COL14A1: variants seen among roughly 807,000 people sequenced by gnomAD.
COL14A1 encodes collagen type XIV alpha 1 chain, also known as collagen alpha-1(XIV) chain.
COL14A1 carries 136 observed loss-of-function variants against 230.3 expected under a neutral mutation model. The ratio of observed to expected loss-of-function variants is 0.59; its 90% CI spans 0.51 to 0.68. The LOEUF (loss-of-function observed/expected upper bound fraction) is 0.68. Among genes scored for constraint, COL14A1 ranks in the 30% least tolerant of loss-of-function variants. The pLI is 0.00. For missense variants in COL14A1, 1,976 were observed against 2,215.8 expected, an observed-to-expected ratio of 0.89 and a Z score of 2.17; for synonymous variants, 792 against 784.1, an observed-to-expected ratio of 1.01 and a Z score of -0.17.
Position 120,285,870 on chromosome 8 carries a change from A to G in COL14A1, c.3977A>G (p.Lys1326Arg). 6.3e-7 allele frequency: 1 copy of G among 1,586,174 alleles called. No homozygotes were observed. Among genetic ancestry groups the G allele is most frequent in the Non-Finnish European group, 8.6e-7 (1 of 1,165,044 alleles). ...ATTTTTCTTTCAATAGATGGTGGGA[A>G]AACTCTAACATATTTCAACTATGAC... ...LVGVILDNGG[K>R]TLTYFNYDQS... The change falls in exon 33 of 48, where the codon AAA becomes AGA. Residue 1326 changes from lysine to arginine, a missense_variant. Lys to Arg is a conservative substitution (Grantham distance 26, BLOSUM62 2). This residue lies in a region of COL14A1 where 1,791 missense variants were observed against 2,019.5 expected (regional missense o/e 0.89). Transcript: ENST00000297848.
In COL14A1 at chr8:120,330,677, A is replaced by G. The variant is rs185366324; in HGVS notation, c.4660-1464A>G. On this transcript the variant is annotated intron_variant, in intron 40 of 47. Transcript: ENST00000297848. Reference sequence around the variant, plus strand: ...TTGGGTGGGGACACAGCCAAACCATATCACCCTGCCTTTGTGCCACCTCTC... The same window carrying G: ...TTGGGTGGGGACACAGCCAAACCATGTCACCCTGCCTTTGTGCCACCTCTC... Among the ~76,000 whole-genome samples the G allele has an allele frequency of 2.0e-4, 30 of 152,234 alleles. 1 individual carries two copies. In the South Asian group the frequency reaches 4.8e-3, roughly 24 times the overall value.
At chr8:120,267,070 A>G in intron 25 of COL14A1, 187 bp downstream of exon 25, 3 of 559,724 alleles carry the variant, frequency 5.4e-6, no homozygotes, top group Non-Finnish European at 9.5e-6. Flanking sequence ...AATTCTGCAC[A>G]CAAAGAGTGG....
intron 5 of COL14A1, among the ~76,000 whole-genome samples, chr8:120,180,053 G>A (rs888266550): frequency 1.3e-5 from 2 of 151,854 alleles, no homozygotes; most frequent in South Asian, 2.1e-4. Flanking sequence ...ACTCAAGATG[G>A]GTTAAAGACT....
chr8:120,284,926 T>A (rs1460085723), intron 32 of COL14A1, among the ~76,000 whole-genome samples: 1 of 152,182 alleles, frequency 6.6e-6, no homozygotes, highest in Non-Finnish European at 1.5e-5. Context: ...TATTTGCTAT[T>A]GAACAAAGGC....
intron 22 of COL14A1, among the ~76,000 whole-genome samples, chr8:120,252,821 G>C (rs1208064095): frequency 6.6e-6 from 1 of 152,142 alleles, no homozygotes; most frequent in Non-Finnish European, 1.5e-5. Flanking sequence ...TCAAGCAAGA[G>C]TGGGCCATAT....
chr8:120,280,780 A>C, intron 30 of COL14A1, 31 bp downstream of exon 30: 1 of 1,609,198 alleles, frequency 6.2e-7, no homozygotes, highest in Non-Finnish European at 8.5e-7. Context: ...TTCAAACACA[A>C]AATATATTAC....
intron 45 of COL14A1, among the ~76,000 whole-genome samples, chr8:120,346,703 A>G (rs954232537): frequency 7.9e-5 from 12 of 152,238 alleles, no homozygotes; most frequent in African/African-American, 2.6e-4. Context: ...TATGCATGAA[A>G]TTGTTATTGA....
intron 2 of COL14A1, among the ~76,000 whole-genome samples, chr8:120,152,112 G>GT: frequency 6.6e-6 from 1 of 152,176 alleles, no homozygotes; most frequent in Admixed American, 6.5e-5. Context: ...CATGTCTGTT[G>GT]TTTTAAGCCA....
Position 120,250,791 on chromosome 8 carries a change from A to G in COL14A1, c.2752+25A>G, listed in dbSNP as rs757986988. On this transcript the variant is annotated intron_variant, in intron 22 of 47. Coordinates refer to ENST00000297848, the MANE Select transcript of COL14A1 (RefSeq NM_021110.4). ...TGTAAGAGCCATTTCCGATGGCCTC[A>G]GCCGCATATGGGTTTTTGTTTTGTT... is the stretch of plus-strand genomic sequence containing the variant. 26 of 1,612,614 alleles carry G rather than the reference A, an allele frequency of 1.6e-5. 1 individual carries two copies. The South Asian group carries it at 2.2e-4, about 14-fold the overall frequency.
intron 26 of COL14A1, among the ~76,000 whole-genome samples, chr8:120,274,644 A>G (rs939977696): frequency 8.6e-5 from 13 of 151,898 alleles, no homozygotes; most frequent in African/African-American, 3.1e-4. Context: ...GTTACAAATC[A>G]ATGTATACAA....
rs570232958 is a variant in COL14A1, at chr8:120,299,501, C to T, written c.4315-1231C>T. 3.0e-4 allele frequency among the ~76,000 whole-genome samples: 46 copies of T among 152,132 alleles called. No homozygotes were observed. In the South Asian group the frequency reaches 4.6e-3, roughly 15 times the overall value. Reference sequence around the variant, plus strand: ...CACTTTTTCTAGGAAGGATCTTTCTCGTTCCTTTTCTTTTTACTTGTCTCA... The same window carrying T: ...CACTTTTTCTAGGAAGGATCTTTCTTGTTCCTTTTCTTTTTACTTGTCTCA... On this transcript the variant is annotated intron_variant, in intron 35 of 47. Transcript: ENST00000297848.
intron 31 of COL14A1, among the ~76,000 whole-genome samples, chr8:120,282,301 G>T (rs1820062288): frequency 6.6e-6 from 1 of 152,162 alleles, no homozygotes; most frequent in African/African-American, 2.4e-5. Context: ...TGTCCACATT[G>T]AAGGCAGATC....
chr8:120,218,031 A>C (rs1281443969), intron 14 of COL14A1, among the ~76,000 whole-genome samples: 2 of 142,526 alleles, frequency 1.4e-5, no homozygotes, highest in African/African-American at 5.1e-5. Flanking sequence ...TATAAATATA[A>C]ATAAATATAT....
intron 6 of COL14A1, 129 bp from the exon 7 acceptor site, chr8:120,197,682 T>C: frequency 1.1e-6 from 1 of 878,210 alleles, no homozygotes; most frequent in Non-Finnish European, 1.7e-6. Flanking sequence ...TTTTTGAAAA[T>C]TTATAGCCAG....
Position 120,367,198 on chromosome 8 carries a change from GAAATC to G in COL14A1, c.5106_5110del (p.Asn1703ArgfsTer56). On this transcript the variant is annotated frameshift_variant, in exon 46 of 48. Coordinates refer to ENST00000297848, the MANE Select transcript of COL14A1 (RefSeq NM_021110.4). LOFTEE classifies it high-confidence loss of function. ...CTAACTGGTATCAAAGGAGAAAAAGGAAATCCAGGCGTTGGAACCCAAGGTCCAAG... is the reference window on the plus strand; with the variant it reads ...CTAACTGGTATCAAAGGAGAAAAAGGCAGGCGTTGGAACCCAAGGTCCAAG... The G allele has an allele frequency of 6.2e-7, 1 of 1,613,366 alleles. No individual in the cohort carries two copies.
chr8:120,355,457 T>C (rs1822947089), intron 45 of COL14A1, among the ~76,000 whole-genome samples: 2 of 151,772 alleles, frequency 1.3e-5, no homozygotes, highest in South Asian at 2.1e-4. Flanking sequence ...CCAGACTGGA[T>C]TGCAGTGGTG....
chr8:120,345,520 C>A lies in COL14A1; in HGVS notation c.5034C>A (p.Gly1678=). The change falls in exon 45 of 48, where the codon GGC becomes GGA. Residue 1678 remains glycine, a synonymous_variant. Transcript: ENST00000297848. The stretch of plus-strand genomic sequence containing the variant: ...AACAAGGACCCCCAGGCACACCAGG[C>A]TTCCCCGGAAATGCAGGCGTGCCAG... The part of the protein sequence containing the change: ...PGEQGPPGTP[G]FPGNAGVPGT... The A allele has an allele frequency of 6.3e-7, 1 of 1,576,120 alleles. No homozygotes were observed. The highest frequency in any genetic ancestry group is 1.2e-5 in the South Asian group (1 of 84,720).
At chr8:120,204,644 G>A (rs2130739575) in intron 9 of COL14A1, among the ~76,000 whole-genome samples, 1 of 152,308 alleles carries the variant, frequency 6.6e-6, no homozygotes, top group African/African-American at 2.4e-5. Context: ...TCATGTGGAG[G>A]TTCTTGTGCA....
intron 1 of COL14A1, among the ~76,000 whole-genome samples, chr8:120,140,802 G>T (rs972348579): frequency 2.0e-5 from 3 of 152,004 alleles, no homozygotes. Flanking sequence ...AAACTTATCT[G>T]GACAAATGAG....
Sources: gnomAD v4.1 joint callset for allele counts (sites outside exome capture counted in the v4.1 genomes callset) on GRCh38, gnomAD v4.1.1 for gene constraint, gnomAD v4.1.1 regional missense constraint, MANE v1.5 for transcripts, NCBI Gene and HGNC (gene_info 2026-07-23, HGNC 2026-07-21) for gene names.